Variants in WDR25 observed in about 807,000 individuals in gnomAD.
WDR25 encodes WD repeat domain 25, also known as WD repeat-containing protein 25.
WDR25 carries 35 observed loss-of-function variants against 47.7 expected under a neutral mutation model. That is an observed-to-expected ratio of 0.73 (90% confidence interval 0.56 to 0.97). WDR25 has a LOEUF of 0.97. WDR25 is among the 50% of genes least tolerant of loss of function. The pLI, the probability that WDR25 is intolerant of heterozygous loss-of-function variation, is 0.00. For synonymous variants in WDR25, 248 were observed against 278.9 expected (o/e 0.89, Z 1.10); for missense variants, 634 against 704.7 (o/e 0.90, Z 1.14).
At chr14:100,438,312 T>A (rs759851245) in intron 2 of WDR25, among the ~76,000 whole-genome samples, 3 of 152,198 alleles carry the variant, frequency 2.0e-5, no homozygotes, top group Non-Finnish European at 4.4e-5. Flanking sequence ...TTCAGCCCAA[T>A]GAAGATATGA....
chr14:100,395,160 G>C (rs73361403), intron 2 of WDR25, among the ~76,000 whole-genome samples: 3,503 of 152,238 alleles, frequency 0.023, 142 homozygotes, highest in African/African-American at 0.081. Flanking sequence ...GCTGGGTCAG[G>C]CACCACACAG....
intron 2 of WDR25, among the ~76,000 whole-genome samples, chr14:100,387,169 GCC>G (rs1566884145): frequency 6.6e-6 from 1 of 151,952 alleles, no homozygotes; most frequent in Non-Finnish European, 1.5e-5. Flanking sequence ...AGAAGATCCA[GCC>G]TAGTGCCTGA....
At chr14:100,414,352 A>T (rs1226262440) in intron 2 of WDR25, among the ~76,000 whole-genome samples, 1 of 131,240 alleles carries the variant, frequency 7.6e-6, no homozygotes, top group Non-Finnish European at 1.6e-5. Context: ...TTGCTCTGTC[A>T]CCCAGGCTGG....
intron 2 of WDR25, among the ~76,000 whole-genome samples, chr14:100,427,445 G>T (rs1898202117): frequency 2.0e-5 from 3 of 152,206 alleles, no homozygotes; most frequent in Admixed American, 1.3e-4. Flanking sequence ...AGTCAGCAGG[G>T]TGCAGTAGGC....
chr14:100,386,075 G>T (rs1373489050), intron 2 of WDR25, among the ~76,000 whole-genome samples: 1 of 152,178 alleles, frequency 6.6e-6, no homozygotes, highest in Non-Finnish European at 1.5e-5. Flanking sequence ...ATATGAATTA[G>T]ATGTTGTTTA....
At chr14:100,394,911 G>A (rs115146250) in intron 2 of WDR25, among the ~76,000 whole-genome samples, 1,975 of 152,272 alleles carry the variant, frequency 0.013, 46 homozygotes, top group African/African-American at 0.045. Context: ...CTTGAGCCCA[G>A]GAGGTTAAGG....
rs1279868035 is a variant in WDR25 at position 100,498,073 on chromosome 14, T to C, written c.1101+13949T>C. Reference sequence around the variant, plus strand: ...AAAGATTGTATGACTTTAGGAAAGTTTGTGCAATTCAATTTGTGCCCCAAC... The same window carrying C: ...AAAGATTGTATGACTTTAGGAAAGTCTGTGCAATTCAATTTGTGCCCCAAC... On this transcript the variant is annotated intron_variant, in intron 4 of 6. Coordinates refer to ENST00000402312, the MANE Select transcript of WDR25 (RefSeq NM_001161476.3). This position sits in a 1 kb window ranked among gnomAD's most constrained non-coding sequence, Gnocchi z 4.2. Among the ~76,000 whole-genome samples, 1 of 152,220 alleles carries C rather than the reference T, an allele frequency of 6.6e-6. No homozygotes were observed. The highest frequency in any genetic ancestry group is 1.5e-5 in the Non-Finnish European group (1 of 68,040).
chr14:100,385,766 T>C (rs909845960), intron 2 of WDR25, among the ~76,000 whole-genome samples: 1 of 152,220 alleles, frequency 6.6e-6, no homozygotes, highest in African/African-American at 2.4e-5. Flanking sequence ...TTTTATATAC[T>C]CTTTTCATCT....
At chr14:100,410,910 G>A (rs1897689854) in intron 2 of WDR25, among the ~76,000 whole-genome samples, 1 of 151,480 alleles carries the variant, frequency 6.6e-6, no homozygotes, top group Admixed American at 6.6e-5. Flanking sequence ...AGCCTCCTGA[G>A]TAGCTGGGAC....
chr14:100,383,743 C>T (rs1029187282), intron 2 of WDR25, among the ~76,000 whole-genome samples: 3 of 152,218 alleles, frequency 2.0e-5, no homozygotes, highest in African/African-American at 7.2e-5. Flanking sequence ...TGATTTCTGG[C>T]CTTGTGGAGT....
intron 2 of WDR25, among the ~76,000 whole-genome samples, chr14:100,457,061 G>A (rs759045036): frequency 2.0e-5 from 3 of 152,016 alleles, no homozygotes; most frequent in East Asian, 1.9e-4. Context: ...AGATTCAAGC[G>A]AATCTTCTGC....
chr14:100,390,473 G>A (rs533680973), intron 2 of WDR25, among the ~76,000 whole-genome samples: 4 of 151,646 alleles, frequency 2.6e-5, no homozygotes, highest in South Asian at 2.1e-4. Flanking sequence ...TGTTTGCAGC[G>A]GGCCGGATGT....
intron 3 of WDR25, chr14:100,476,335 T>C (rs909509849): frequency 6.6e-6 from 1 of 152,238 alleles, no homozygotes; most frequent in African/African-American, 2.4e-5. Flanking sequence ...GTTTCTTTTC[T>C]CGTTAACTTT....
intron 3 of WDR25, among the ~76,000 whole-genome samples, chr14:100,480,238 C>T (rs1026598045): frequency 1.3e-5 from 2 of 152,198 alleles, no homozygotes; most frequent in Admixed American, 1.3e-4. Context: ...ACAGTCCCTT[C>T]TCCATACGGG....
Position 100,502,172 on chromosome 14 carries a change from T to C in WDR25, c.1101+18048T>C, listed in dbSNP as rs1420111571. ...CTCAGGCATGGCCCCTTGATAGTTG[T>C]GGGAGGTGCAGGCAGAGCCCCCCAC... On this transcript the variant is annotated intron_variant, in intron 4 of 6. Transcript: ENST00000402312. This position sits in a 1 kb window ranked among gnomAD's most constrained non-coding sequence, Gnocchi z 4.5. Among the ~76,000 whole-genome samples, 1 of 152,238 alleles carries C rather than the reference T, an allele frequency of 6.6e-6. No individual in the cohort carries two copies. The highest frequency in any genetic ancestry group is 2.4e-5 in the African/African-American group (1 of 41,460).
At chr14:100,481,060 GA>G in intron 3 of WDR25, 3 of 400,704 alleles carry the variant, frequency 7.5e-6, no homozygotes, top group East Asian at 8.4e-5. Flanking sequence ...AATTGAAGCT[GA>G]AAAAGGCAGC....
chr14:100,503,706 C>T (rs192546782), intron 4 of WDR25: 1 of 152,412 alleles, frequency 6.6e-6, no homozygotes, highest in African/African-American at 2.4e-5. Context: ...CACCTCAGCC[C>T]CCGTCCCCGA....
intron 2 of WDR25, among the ~76,000 whole-genome samples, chr14:100,382,680 G>A (rs911865842): frequency 2.0e-5 from 3 of 152,112 alleles, no homozygotes; most frequent in African/African-American, 4.8e-5. Flanking sequence ...CTCTCTCCTC[G>A]CAGCTAGCAA....
intron 2 of WDR25, among the ~76,000 whole-genome samples, chr14:100,386,648 C>T (rs973343061): frequency 1.5e-4 from 23 of 151,980 alleles, no homozygotes; most frequent in African/African-American, 4.4e-4. Flanking sequence ...AATCCCAGCA[C>T]TTTGGGAGGC....
Sources: gnomAD v4.1 joint callset for allele counts (sites outside exome capture counted in the v4.1 genomes callset) on GRCh38, gnomAD v4.1.1 for gene constraint, Gnocchi (gnomAD v3.1) non-coding constraint, MANE v1.5 for transcripts, NCBI Gene and HGNC (gene_info 2026-07-23, HGNC 2026-07-21) for gene names.